The following VWCE variants were observed in gnomAD, a reference collection of about 807,000 sequenced individuals.
VWCE encodes the protein von Willebrand factor C and EGF domains.
VWCE carries 68 observed loss-of-function variants against 102.9 expected under a neutral mutation model. The ratio of observed to expected loss-of-function variants is 0.66; its 90% CI spans 0.54 to 0.81. The LOEUF (loss-of-function observed/expected upper bound fraction) is 0.81. VWCE is among the 30% of genes least tolerant of loss of function. VWCE has a pLI of 0.00. For synonymous variants in VWCE, 497 were observed against 515.4 expected (o/e 0.96, Z 0.48); for missense variants, 1,137 against 1,263.6 (o/e 0.90, Z 1.52).
intron 16 of VWCE, among the ~76,000 whole-genome samples, chr11:61,267,190 G>A (rs1422635123): frequency 6.6e-5 from 10 of 152,038 alleles, no homozygotes; most frequent in Non-Finnish European, 1.5e-4. Context: ...CTCGGGAAGC[G>A]GAGGTTGCAG....
Position 61,259,108 on chromosome 11 carries a change from GTC to G in VWCE, c.2433_2434del (p.Gln811HisfsTer116). ...AGCTCCTGCCGGGCTTGTAGGTAAA[GTC>G]TGTGTTTTCATCAAGTTCGTTCTTA... is the stretch of plus-strand genomic sequence containing the variant. On this transcript the variant is annotated frameshift_variant, in exon 20 of 20. Transcript: ENST00000335613. LOFTEE classifies it low-confidence loss of function (END_TRUNC). 2 of 1,614,140 alleles carry G rather than the reference GTC, an allele frequency of 1.2e-6. No individual in the cohort carries two copies. Among genetic ancestry groups the G allele is most frequent in the Non-Finnish European group, 1.7e-6 (2 of 1,180,000 alleles).
intron 19 of VWCE, among the ~76,000 whole-genome samples, chr11:61,262,114 C>T (rs529606078): frequency 2.6e-5 from 4 of 152,186 alleles, no homozygotes; most frequent in East Asian, 1.9e-4. Context: ...CCAACATGCC[C>T]GGCTAATTTT....
In VWCE at chr11:61,291,272, G is replaced by A. The variant is rs781757674; in HGVS notation, c.287C>T (p.Thr96Ile). ...TTCCCATCCCCAGTTACCTGGGCAG[G>A]TGGCCCCTTGCTCTCCATCCTGGCA... is the stretch of plus-strand genomic sequence containing the variant. The part of the protein sequence containing the change: ...CSCQDGEQGA[T>I]CPETHGPCGE... Residue 96 changes from threonine (T) to isoleucine (I), a missense_variant, in exon 3 of 20, where the codon ACC (threonine) becomes ATC (isoleucine). Transcript: ENST00000335613. 19 of 1,585,842 alleles carry A rather than the reference G, an allele frequency of 1.2e-5. No individual in the cohort carries two copies. The highest frequency in any genetic ancestry group is 1.5e-5 in the Non-Finnish European group (18 of 1,164,566).
At chr11:61,259,694 T>C (rs1285752206) in intron 19 of VWCE, among the ~76,000 whole-genome samples, 1 of 152,146 alleles carries the variant, frequency 6.6e-6, no homozygotes, top group Non-Finnish European at 1.5e-5. Flanking sequence ...TCACCGATTA[T>C]AACAAACATG....
rs777336009 is a variant in VWCE at position 61,290,865 on chromosome 11, C to A, written c.358G>T (p.Glu120Ter). The A allele has an allele frequency of 6.2e-7, 1 of 1,613,924 alleles. No individual in the cohort carries two copies. Among genetic ancestry groups the A allele is most frequent in the Non-Finnish European group, 8.5e-7 (1 of 1,180,016 alleles). ...CCCACGGGGCACACTCGGGCCACCTCCTGACAGCCTCCATGGTTGCAGGTA... is the reference window on the plus strand; with the variant it reads ...CCCACGGGGCACACTCGGGCCACCTACTGACAGCCTCCATGGTTGCAGGTA... ...DLTCNHGGCQ[E>*]VARVCPVGFS... Residue 120 changes from glutamate (E) to a stop codon, truncating the protein, a stop_gained, in exon 4 of 20, where the codon GAG becomes TAG. Transcript: ENST00000335613. LOFTEE classifies it high-confidence loss of function.
chr11:61,265,450 C>T (rs762761270), intron 16 of VWCE, among the ~76,000 whole-genome samples: 5 of 152,120 alleles, frequency 3.3e-5, no homozygotes, highest in South Asian at 2.1e-4. Context: ...CATCTGTTAA[C>T]GGGTGCCTGT....
Position 61,291,559 on chromosome 11 carries a change from T to TG in VWCE, c.127dup (p.His43ProfsTer68). On this transcript the variant is annotated frameshift_variant, in exon 2 of 20. Coordinates refer to ENST00000335613, the MANE Select transcript of VWCE (RefSeq NM_152718.2). LOFTEE classifies it high-confidence loss of function. ...ACTCCCAAACCCAGAGAGGCAGACGTGGGGGCCCAGTCGGCGTCTGCAAGA... is the reference window on the plus strand; with the variant it reads ...ACTCCCAAACCCAGAGAGGCAGACGTGGGGGGCCCAGTCGGCGTCTGCAAGA... 2 of 1,452,208 alleles carry TG rather than the reference T, an allele frequency of 1.4e-6. No homozygotes were observed. Among genetic ancestry groups the TG allele is most frequent in the Non-Finnish European group, 1.8e-6 (2 of 1,096,966 alleles). The allele number at this position is 1,452,208 out of a possible 1,614,324, so 90.0% of individuals were successfully genotyped here.
chr11:61,268,082 A>C (rs1052124458), intron 15 of VWCE, among the ~76,000 whole-genome samples: 1 of 151,164 alleles, frequency 6.6e-6, no homozygotes, highest in Non-Finnish European at 1.5e-5. Flanking sequence ...TTAAAAAAAT[A>C]AAATAAAATA....
At chr11:61,283,655 C>T (rs1355265221) in intron 5 of VWCE, among the ~76,000 whole-genome samples, 1 of 152,240 alleles carries the variant, frequency 6.6e-6, no homozygotes, top group Non-Finnish European at 1.5e-5. Context: ...AGGCGATCCA[C>T]CTGCCTTGGC....
At chr11:61,290,771 C>CCA in intron 4 of VWCE, 28 bp downstream of exon 4, 1 of 1,585,116 alleles carries the variant, frequency 6.3e-7, no homozygotes, top group Non-Finnish European at 8.6e-7. Flanking sequence ...TCCCCCTCCC[C>CCA]CTCCCCCACC....
At chr11:61,284,583 TAAG>T (rs1302536688) in intron 5 of VWCE, among the ~76,000 whole-genome samples, 4 of 152,136 alleles carry the variant, frequency 2.6e-5, no homozygotes, top group African/African-American at 7.2e-5. Flanking sequence ...GATAAGTAGA[TAAG>T]AAGATAATTA....
At chr11:61,263,951 C>A (rs1429014751) in intron 19 of VWCE, among the ~76,000 whole-genome samples, 1 of 151,534 alleles carries the variant, frequency 6.6e-6, no homozygotes, top group African/African-American at 2.4e-5. Context: ...GCAGGCCGGG[C>A]GCAGTGGCTC....
At chr11:61,292,167 G>C (rs994264621) in intron 1 of VWCE, among the ~76,000 whole-genome samples, 1 of 151,676 alleles carries the variant, frequency 6.6e-6, no homozygotes, top group Non-Finnish European at 1.5e-5. Flanking sequence ...AGGTTGCAGC[G>C]AGCCAAGTTG....
Position 61,280,644 on chromosome 11 carries a change from C to T in VWCE, c.1304G>A (p.Gly435Glu). Reference protein sequence around the residue: ...CSHPIPSRDGGCCPSCTGCFH... With the variant: ...CSHPIPSRDGECCPSCTGCFH... ...CTCACCTGTGCACGATGGGCAGCACCCACCATCTCTGGAGGGAATTGGGTG... is the reference window on the plus strand; with the variant it reads ...CTCACCTGTGCACGATGGGCAGCACTCACCATCTCTGGAGGGAATTGGGTG... The change falls in exon 9 of 20, where the codon GGG becomes GAG. Residue 435 changes from glycine to glutamate, a missense_variant. By Grantham distance (98) the Gly-to-Glu change is moderately conservative. Transcript: ENST00000335613. 6.2e-7 allele frequency: 1 copy of T among 1,614,054 alleles called. No homozygotes were observed. Among genetic ancestry groups the T allele is most frequent in the African/African-American group, 1.3e-5 (1 of 74,996 alleles).
chr11:61,282,482 G>A (rs1279361920), intron 6 of VWCE: 1 of 304,758 alleles, frequency 3.3e-6, no homozygotes, highest in South Asian at 7.0e-5. Context: ...ATTTACCAAG[G>A]GGAGCAAAGG....
intron 11 of VWCE, among the ~76,000 whole-genome samples, chr11:61,275,742 C>A (rs1854883437): frequency 6.6e-6 from 1 of 152,144 alleles, no homozygotes; most frequent in South Asian, 2.1e-4. Flanking sequence ...GCAAGGGGCA[C>A]AGAGTCAGCA....
Position 61,288,223 on chromosome 11 carries a change from G to A in VWCE, c.425-1793C>T, listed in dbSNP as rs571649450. On this transcript the variant is annotated intron_variant, in intron 4 of 19. Transcript: ENST00000335613. ...TGACTAAATCCAAGTAGTACTTTAC[G>A]AAGGTGAGCCTAGTGAGATGTTCTG... is the stretch of plus-strand genomic sequence containing the variant. Among the ~76,000 whole-genome samples the A allele has an allele frequency of 9.4e-5, 14 of 149,110 alleles. No individual in the cohort carries two copies. In the South Asian group the frequency reaches 2.1e-3, roughly 23 times the overall value.
intron 18 of VWCE, 99 bp downstream of exon 18, chr11:61,264,857 G>A (rs1476735818): frequency 3.9e-5 from 52 of 1,336,120 alleles, no homozygotes; most frequent in Non-Finnish European, 5.5e-5. Flanking sequence ...CAGGAGGATG[G>A]ATTTATGCTG....
intron 14 of VWCE, among the ~76,000 whole-genome samples, chr11:61,270,512 T>TA (rs1380367532): frequency 2.7e-4 from 41 of 152,316 alleles, no homozygotes; most frequent in South Asian, 8.3e-4. Context: ...TAAGTAATGG[T>TA]AAAAAACTGC....
Sources: allele counts gnomAD v4.1 joint callset (sites outside exome capture counted in the v4.1 genomes callset), GRCh38; gene constraint gnomAD v4.1.1; transcripts MANE v1.5; gene names NCBI Gene and HGNC (gene_info 2026-07-23, HGNC 2026-07-21).